The following COG5 variants were observed in gnomAD, a reference collection of about 807,000 sequenced individuals.
COG5 encodes component of oligomeric golgi complex 5.
In COG5, 86 loss-of-function variants were observed where a neutral mutation model predicts 110.4. The observed-to-expected ratio is 0.78, with a 90% CI of 0.65 to 0.93. COG5 has a LOEUF of 0.93. Ranked by LOEUF, COG5 falls within the 40% of genes least tolerant of loss-of-function variation. COG5 has a pLI of 0.00. For missense variants in COG5, 1,077 were observed against 987.0 expected (o/e 1.09, Z -1.22); for synonymous variants, 360 against 334.6 (o/e 1.08, Z -0.83).
chr7:107,428,503 C>G (rs1488522345), intron 6 of COG5, among the ~76,000 whole-genome samples: 1 of 152,076 alleles, frequency 6.6e-6, no homozygotes, highest in Admixed American at 6.5e-5. Flanking sequence ...CCACAATCAC[C>G]AAAAGCTACA....
chr7:107,396,797 T>C (rs1227602640), intron 7 of COG5, among the ~76,000 whole-genome samples: 1 of 152,170 alleles, frequency 6.6e-6, no homozygotes, highest in South Asian at 2.1e-4. Context: ...ATATTCCAAG[T>C]CATATTAGAT....
Position 107,517,701 on chromosome 7 carries a change from C to G in COG5, c.538+9536G>C, listed in dbSNP as rs551413302. Among the ~76,000 whole-genome samples, 510 of 142,932 alleles carry G rather than the reference C, an allele frequency of 3.6e-3. 1 individual carries two copies. The highest frequency in any genetic ancestry group is 7.2e-3 in the Middle Eastern group (2 of 276). 93.8% of individuals were successfully genotyped at this position (142,932 alleles called of 152,430 possible). ...GAGTGGGGGCCAACATTCAACATTC[C>G]TTTTTTTTTTTTTTGTGATGGAGTC... On this transcript the variant is annotated intron_variant, in intron 6 of 21. Coordinates refer to ENST00000297135, the MANE Select transcript of COG5 (RefSeq NM_006348.5).
intron 14 of COG5, among the ~76,000 whole-genome samples, chr7:107,274,177 C>A (rs1472223616): frequency 6.6e-6 from 1 of 152,044 alleles, no homozygotes; most frequent in Non-Finnish European, 1.5e-5. Context: ...GCCTGTAGTC[C>A]CAGCTACTTG....
At chr7:107,417,410 A>C (rs1792933878) in intron 6 of COG5, among the ~76,000 whole-genome samples, 1 of 152,182 alleles carries the variant, frequency 6.6e-6, no homozygotes, top group Non-Finnish European at 1.5e-5. Context: ...CCTTATAAAA[A>C]TATCAATTTT....
chr7:107,393,495 AGATAGGCAT>A (rs1790771437), intron 7 of COG5, among the ~76,000 whole-genome samples: 1 of 152,230 alleles, frequency 6.6e-6, no homozygotes, highest in African/African-American at 2.4e-5. Flanking sequence ...TGTCATCACA[AGATAGGCAT>A]GATAAGTAGC....
chr7:107,343,750 G>A (rs1254070480), intron 10 of COG5, among the ~76,000 whole-genome samples: 4 of 151,934 alleles, frequency 2.6e-5, no homozygotes, highest in African/African-American at 7.3e-5. Context: ...CTTAATCATG[G>A]GCTGTAGAAT....
chr7:107,294,751 TG>T (rs1806467223), intron 12 of COG5, among the ~76,000 whole-genome samples: 1 of 142,036 alleles, frequency 7.0e-6, no homozygotes, highest in Admixed American at 7.0e-5. Context: ...AATCTTGCTC[TG>T]TTGCCTGGGC....
intron 14 of COG5, among the ~76,000 whole-genome samples, chr7:107,272,947 T>C (rs557728419): frequency 6.6e-6 from 1 of 152,330 alleles, no homozygotes; most frequent in African/African-American, 2.4e-5. Context: ...TCAAACAAGC[T>C]TGCTTATACT....
At chr7:107,372,036 A>C (rs963112722) in intron 8 of COG5, among the ~76,000 whole-genome samples, 11 of 152,196 alleles carry the variant, frequency 7.2e-5, no homozygotes, top group Admixed American at 6.5e-4. Context: ...TCTTGGTAGG[A>C]AAAGGTTTAC....
chr7:107,554,786 T>C (rs1417457049), intron 2 of COG5, among the ~76,000 whole-genome samples: 1 of 152,108 alleles, frequency 6.6e-6, no homozygotes, highest in Admixed American at 6.6e-5. Flanking sequence ...CTCTCCAATA[T>C]GATATGATAG....
chr7:107,319,049 G>A (rs1809012976), intron 11 of COG5, among the ~76,000 whole-genome samples: 1 of 150,708 alleles, frequency 6.6e-6, no homozygotes, highest in South Asian at 2.1e-4. Flanking sequence ...TTTAAATCTT[G>A]GTCCTTCATT....
intron 21 of COG5, chr7:107,207,755 G>T (rs1462273807): frequency 1.6e-5 from 16 of 985,070 alleles, no homozygotes; most frequent in Non-Finnish European, 1.9e-5. Flanking sequence ...GGTCCCATGA[G>T]TAAGTTATTA....
intron 6 of COG5, among the ~76,000 whole-genome samples, chr7:107,482,187 G>C (rs1444820742): frequency 6.6e-6 from 1 of 151,654 alleles, no homozygotes; most frequent in Non-Finnish European, 1.5e-5. Context: ...TCTCACCCAG[G>C]TTGGGGTGCA....
At chr7:107,499,774 T>C (rs979573508) in intron 6 of COG5, among the ~76,000 whole-genome samples, 4 of 152,064 alleles carry the variant, frequency 2.6e-5, no homozygotes, top group African/African-American at 4.8e-5. Flanking sequence ...TCAGTGCAAA[T>C]AGGCGAATAG....
intron 16 of COG5, among the ~76,000 whole-genome samples, chr7:107,249,587 G>T (rs180703082): frequency 2.6e-5 from 4 of 151,886 alleles, no homozygotes; most frequent in African/African-American, 9.7e-5. Context: ...TCATACAAAT[G>T]ATCAAAATCA....
At chr7:107,301,318 T>C (rs1454117233) in intron 11 of COG5, among the ~76,000 whole-genome samples, 1 of 151,590 alleles carries the variant, frequency 6.6e-6, no homozygotes, top group Non-Finnish European at 1.5e-5. Context: ...AAAATGAAAA[T>C]ACACGCCCCA....
intron 13 of COG5, among the ~76,000 whole-genome samples, chr7:107,283,230 T>C (rs111270068): frequency 8.5e-5 from 13 of 152,224 alleles, no homozygotes; most frequent in African/African-American, 3.1e-4. Flanking sequence ...CTGTATGTTT[T>C]AGTTTCTCAA....
intron 17 of COG5, among the ~76,000 whole-genome samples, chr7:107,242,319 A>G (rs1445584816): frequency 6.6e-6 from 1 of 152,220 alleles, no homozygotes; most frequent in East Asian, 1.9e-4. Flanking sequence ...CACTGCCCAG[A>G]AAAGTGCTTT....
chr7:107,528,555 G>A (rs1450698899), intron 5 of COG5, among the ~76,000 whole-genome samples: 1 of 152,150 alleles, frequency 6.6e-6, no homozygotes, highest in African/African-American at 2.4e-5. Flanking sequence ...TACAGAAGCT[G>A]GATTCACAGC....
Sources: gnomAD v4.1 joint callset for allele counts (sites outside exome capture counted in the v4.1 genomes callset) on GRCh38, gnomAD v4.1.1 for gene constraint, MANE v1.5 for transcripts, NCBI Gene and HGNC (gene_info 2026-07-23, HGNC 2026-07-21) for gene names.